The following EHMT1 variants were observed in gnomAD, a reference collection of about 807,000 sequenced individuals.
EHMT1 encodes euchromatic histone lysine methyltransferase 1.
A neutral mutation model predicts 147.2 loss-of-function variants in EHMT1; 15 were observed. That is an observed-to-expected ratio of 0.10 (90% CI 0.07 to 0.16). The LOEUF (loss-of-function observed/expected upper bound fraction) is 0.16, where lower values mean the gene tolerates loss of function less well. EHMT1 is among the 10% of genes least tolerant of loss of function. The pLI is 1.00. For missense variants in EHMT1, 1,587 were observed against 1,772.4 expected (o/e 0.90, Z 1.88); for synonymous variants, 795 against 709.6 (o/e 1.12, Z -1.91).
At chr9:137,783,747 C>T (rs1046760020) in intron 15 of EHMT1, among the ~76,000 whole-genome samples, 2 of 152,208 alleles carry the variant, frequency 1.3e-5, no homozygotes, top group African/African-American at 4.8e-5. Flanking sequence ...GAGAGAGCGA[C>T]GGGGCGCACC....
intron 4 of EHMT1, among the ~76,000 whole-genome samples, chr9:137,735,643 C>T (rs754304165): frequency 1.3e-5 from 2 of 152,136 alleles, no homozygotes; most frequent in Non-Finnish European, 2.9e-5. Context: ...CACCAAAGCT[C>T]ATGTTGAAAT....
intron 1 of EHMT1, chr9:137,641,140 G>T: frequency 2.7e-6 from 1 of 372,038 alleles, no homozygotes; most frequent in South Asian, 2.4e-5. Flanking sequence ...GGTCTTTGCT[G>T]ACCTCTCCTA....
Position 137,776,897 on chromosome 9 carries a change from T to A in EHMT1, c.2018+53T>A. 1 of 1,567,218 alleles carries A rather than the reference T, an allele frequency of 6.4e-7. No homozygotes were observed. The highest frequency in any genetic ancestry group is 1.1e-5 in the South Asian group (1 of 88,656). On this transcript the variant is annotated intron_variant, in intron 12 of 26. Transcript: ENST00000460843. This position sits in a 1 kb window ranked among gnomAD's most constrained non-coding sequence, Gnocchi z 4.4. ...CTCCAGTCGTCCACCTGAAAAAGTT[T>A]CAGTTGTTAACTCAACGTTATTGCT... is the stretch of plus-strand genomic sequence containing the variant.
At chr9:137,751,571 T>C (rs9410048) in intron 6 of EHMT1, among the ~76,000 whole-genome samples, 21,421 of 152,206 alleles carry the variant, frequency 0.14, 3,533 homozygotes, top group African/African-American at 0.4. Context: ...GGGCACAGGG[T>C]GGACGGAGAC....
At chr9:137,666,543 C>G (rs1939671144) in intron 1 of EHMT1, among the ~76,000 whole-genome samples, 1 of 146,290 alleles carries the variant, frequency 6.8e-6, no homozygotes, top group Admixed American at 7.3e-5. Flanking sequence ...CCAGGCTGTG[C>G]AGGGCAAGGG....
chr9:137,767,561 C>G (rs1950295107), intron 10 of EHMT1, among the ~76,000 whole-genome samples: 1 of 152,068 alleles, frequency 6.6e-6, no homozygotes, highest in South Asian at 2.1e-4. Context: ...GCCTATAATC[C>G]CAGCACTTTG....
At chr9:137,803,395 C>A in intron 18 of EHMT1, 1 of 734,896 alleles carries the variant, frequency 1.4e-6, no homozygotes, top group Non-Finnish European at 1.7e-6. Flanking sequence ...CCACCCCTGC[C>A]ACCCATTGCT....
At chr9:137,733,213 C>T (rs925206023) in intron 4 of EHMT1, among the ~76,000 whole-genome samples, 6 of 152,188 alleles carry the variant, frequency 3.9e-5, no homozygotes, top group Admixed American at 1.3e-4. Flanking sequence ...TGGGGATGGC[C>T]GTGCTGAATC....
At position 137,761,753 on chromosome 9, in the gene EHMT1, A is replaced by G. The variant is rs772467293; in HGVS notation, c.1502-922A>G. 5.2e-4 allele frequency among the ~76,000 whole-genome samples: 79 copies of G among 152,340 alleles called. 1 individual carries two copies. The highest frequency in any genetic ancestry group is 1.7e-3 in the Admixed American group (26 of 15,308). ...ATTACAGGCGTGAGCCACCGCGCCC[A>G]GCCAAGAGTTAATTATTTTTAATTA... On this transcript the variant is annotated intron_variant, in intron 9 of 26. Coordinates refer to ENST00000460843, the MANE Select transcript of EHMT1 (RefSeq NM_024757.5).
intron 3 of EHMT1, among the ~76,000 whole-genome samples, chr9:137,721,698 C>T (rs557568165): frequency 1.3e-3 from 190 of 151,802 alleles, no homozygotes; most frequent in Non-Finnish European, 2.4e-3. Flanking sequence ...GCTTTGCTGT[C>T]GGTGTGTCAT....
At position 137,725,682 on chromosome 9, in the gene EHMT1, C is replaced by A. The variant is rs949985661; in HGVS notation, c.643-2667C>A. On this transcript the variant is annotated intron_variant, in intron 3 of 26. Transcript: ENST00000460843. The stretch of plus-strand genomic sequence containing the variant: ...GGCTCACTGAGAAGCTTTGCAAGGA[C>A]CACATGGCAGCAAGATGCGCTCGAG... Among the ~76,000 whole-genome samples, 5 of 152,052 alleles carry A rather than the reference C, an allele frequency of 3.3e-5. No homozygotes were observed. The East Asian group carries it at 9.6e-4, about 29-fold the overall frequency.
At chr9:137,702,727 C>T (rs12683637) in intron 1 of EHMT1, among the ~76,000 whole-genome samples, 26,930 of 152,180 alleles carry the variant, frequency 0.18, 3,933 homozygotes, top group East Asian at 0.77. Flanking sequence ...AGTGGAGACT[C>T]TATGTGGGGC....
chr9:137,722,249 G>A (rs932376358), intron 3 of EHMT1, among the ~76,000 whole-genome samples: 3 of 151,566 alleles, frequency 2.0e-5, no homozygotes, highest in African/African-American at 7.3e-5. Flanking sequence ...ATTCCTTTAG[G>A]GAAAAAAAGC....
At chr9:137,696,834 G>A (rs1288067087) in intron 1 of EHMT1, among the ~76,000 whole-genome samples, 1 of 152,156 alleles carries the variant, frequency 6.6e-6, no homozygotes, top group East Asian at 1.9e-4. Flanking sequence ...AGGCCATGCT[G>A]GGAAGAATAC....
chr9:137,754,441 A>ATC, intron 8 of EHMT1, 150 bp downstream of exon 8: 1 of 1,165,732 alleles, frequency 8.6e-7, no homozygotes, highest in Non-Finnish European at 1.2e-6. Flanking sequence ...TTGTTAGAGA[A>ATC]ACTCAAGTGA....
At chr9:137,785,937 C>G (rs1588699846) in intron 15 of EHMT1, 2 of 152,264 alleles carry the variant, frequency 1.3e-5, no homozygotes, top group East Asian at 3.9e-4. Context: ...ACTGAGTTGT[C>G]CAGCGTGAGT....
chr9:137,762,602 A>G lies in EHMT1; in HGVS notation c.1502-73A>G, dbSNP rs574349964. On this transcript the variant is annotated intron_variant, in intron 9 of 26. Transcript: ENST00000460843. ...GGCGTGTGAGATCACTGTTGAGACT[A>G]TAATCGATCACTTTCTAGATGTTCT... 2.2e-4 allele frequency: 351 copies of G among 1,609,262 alleles called. 1 individual carries two copies. The South Asian group carries it at 3.2e-3, about 15-fold the overall frequency.
rs748259939 is a variant in EHMT1, at chr9:137,743,480, G to A, written c.933G>A (p.Thr311=). 3.0e-5 allele frequency: 49 copies of A among 1,613,966 alleles called. No homozygotes were observed. The highest frequency in any genetic ancestry group is 2.5e-4 in the Admixed American group (15 of 60,006). ...AGACCAAAGTATTAAAACAGAGGAC[G>A]GTGATTGAGATGTTTAAGAGCATAA... ...KKKTKVLKQR[T]VIEMFKSITH... Residue 311 remains threonine (T), a synonymous_variant, in exon 5 of 27, where the codon ACG becomes ACA. Transcript: ENST00000460843.
intron 15 of EHMT1, chr9:137,784,266 C>T (rs908413502): frequency 6.7e-7 from 1 of 1,498,120 alleles, no homozygotes; most frequent in African/African-American, 1.4e-5. Context: ...AGGTCCATTC[C>T]TGGGGGCTGA....
Sources: allele counts gnomAD v4.1 joint callset (sites outside exome capture counted in the v4.1 genomes callset), GRCh38; gene constraint gnomAD v4.1.1; non-coding constraint Gnocchi (gnomAD v3.1); transcripts MANE v1.5; gene names NCBI Gene and HGNC (gene_info 2026-07-23, HGNC 2026-07-21).